The following ARL3 variants were observed in gnomAD, a reference collection of about 807,000 sequenced individuals.
ARL3 encodes ADP-ribosylation factor-like protein 3.
ARL3 carries 9 observed loss-of-function variants against 26.0 expected under a neutral mutation model. That is an observed-to-expected ratio of 0.35 (90% CI 0.21 to 0.60). The LOEUF is 0.60. Ranked by LOEUF, ARL3 falls within the 20% of genes least tolerant of loss-of-function variation. The pLI, the probability that ARL3 is intolerant of heterozygous loss-of-function variation, is 0.78. For synonymous variants in ARL3, 71 were observed against 78.4 expected, an observed-to-expected ratio of 0.91 and a Z score of 0.50; for missense variants, 158 against 215.7, an observed-to-expected ratio of 0.73 and a Z score of 1.67.
At chr10:102,689,806 C>T in intron 4 of ARL3, 87 bp downstream of exon 4, 7 of 772,126 alleles carry the variant, frequency 9.1e-6, no homozygotes, top group South Asian at 6.3e-5. Context: ...CTAGCCTGGG[C>T]AACAAGAGCA....
intron 5 of ARL3, 86 bp from the exon 6 acceptor site, chr10:102,677,027 T>C (rs999692000): frequency 1.4e-6 from 2 of 1,426,734 alleles, no homozygotes; most frequent in Admixed American, 1.7e-5. Flanking sequence ...GCAGTGGGGG[T>C]CCCAGGCCCT....
intron 3 of ARL3, among the ~76,000 whole-genome samples, chr10:102,690,977 T>C (rs961402404): frequency 4.0e-5 from 6 of 150,406 alleles, no homozygotes; most frequent in Admixed American, 2.7e-4. Flanking sequence ...CACCTCAGCC[T>C]CCTGAGTAGT....
chr10:102,701,488 C>T (rs778620091), intron 2 of ARL3, among the ~76,000 whole-genome samples: 11 of 152,278 alleles, frequency 7.2e-5, no homozygotes, highest in Non-Finnish European at 1.3e-4. Context: ...CTCTAACACG[C>T]CAATGACTGA....
intron 5 of ARL3, among the ~76,000 whole-genome samples, chr10:102,681,772 G>T (rs2064157235): frequency 6.6e-6 from 1 of 152,170 alleles, no homozygotes; most frequent in African/African-American, 2.4e-5. Flanking sequence ...TAAAACTTCG[G>T]ATCTCTGCTT....
Position 102,708,886 on chromosome 10 carries a change from T to TAATATA in ARL3, c.4-3398_4-3397insTATATT, listed in dbSNP as rs60736499. Among the ~76,000 whole-genome samples the TAATATA allele has an allele frequency of 1.8e-3, 166 of 90,418 alleles. 5 individuals carry two copies. The highest frequency in any genetic ancestry group is 5.8e-3 in the Admixed American group (45 of 7,712). 59.3% of individuals were successfully genotyped at this position (90,418 alleles called of 152,430 possible). A position where few individuals can be genotyped will look rare whatever the true frequency, so the allele number is the denominator to read the frequency against. On this transcript the variant is annotated intron_variant, in intron 1 of 5. Coordinates refer to ENST00000260746, the MANE Select transcript of ARL3 (RefSeq NM_004311.4). ...CAAAAACAAAAAATAAAACCATATA[T>TAATATA]TATATATATATATATATATATATTT... is the stretch of plus-strand genomic sequence containing the variant.
intron 5 of ARL3, among the ~76,000 whole-genome samples, chr10:102,679,302 C>A (rs2064144032): frequency 6.6e-6 from 1 of 152,228 alleles, no homozygotes. Flanking sequence ...GGTGCCCAAG[C>A]TCCCCTAGGG....
rs1179248154 is a variant in ARL3, at chr10:102,705,424, C to T, written c.69G>A (p.Leu23=). The T allele has an allele frequency of 6.2e-7, 1 of 1,612,118 alleles. No individual in the cohort carries two copies. Among genetic ancestry groups the T allele is most frequent in the Admixed American group, 1.7e-5 (1 of 59,960 alleles). Residue 23 remains leucine, a synonymous_variant, in exon 2 of 6, where the codon CTG becomes CTA. Transcript: ENST00000260746. ...APDQEVRILL[L]GLDNAGKTTL... is the part of the protein sequence containing the mutation. The stretch of plus-strand genomic sequence containing the variant: ...TGGTCTTGCCAGCATTATCCAAGCC[C>T]AGGAGAAGTATTCTCACCTCCTGGT...
intron 5 of ARL3, among the ~76,000 whole-genome samples, chr10:102,684,948 G>A (rs1229083660): frequency 6.7e-6 from 1 of 148,566 alleles, no homozygotes; most frequent in Non-Finnish European, 1.5e-5. Context: ...TGGCCTTGAT[G>A]TTTTAAAAAG....
intron 3 of ARL3, among the ~76,000 whole-genome samples, chr10:102,692,958 AC>A (rs1349527965): frequency 6.6e-6 from 1 of 151,840 alleles, no homozygotes; most frequent in Non-Finnish European, 1.5e-5. Context: ...GGCCTCCCAA[AC>A]TGCTGGGATT....
chr10:102,690,628 T>TTAA lies in ARL3; in HGVS notation c.265-688_265-686dup, dbSNP rs1321245331. Among the ~76,000 whole-genome samples the TTAA allele has an allele frequency of 2.6e-5, 4 of 152,246 alleles. No individual in the cohort carries two copies. In the South Asian group the frequency reaches 8.3e-4, roughly 32 times the overall value. On this transcript the variant is annotated intron_variant, in intron 3 of 5. Transcript: ENST00000260746. ...GTTAAGTTTAAACACAAAGCTGATA[T>TTAA]TAATAATAATACAGTAAATGATTAG...
chr10:102,696,499 T>G (rs1475165434), intron 3 of ARL3, among the ~76,000 whole-genome samples: 1 of 146,862 alleles, frequency 6.8e-6, no homozygotes. Flanking sequence ...CTCCTGACCT[T>G]GTGATCCACC....
rs1271473430 is a variant in ARL3, at chr10:102,676,179, G to A, written c.*715C>T. On this transcript the variant is annotated 3_prime_UTR_variant, in exon 6 of 6. Coordinates refer to ENST00000260746, the MANE Select transcript of ARL3 (RefSeq NM_004311.4). ...TTACAGTCAAAAGTCATAAGAATTT[G>A]CTTCTCTGTGTGGCTGGCTGGGGCA... The A allele has an allele frequency of 7.5e-6, 1 of 132,692 alleles. No homozygotes were observed. Among genetic ancestry groups the A allele is most frequent in the African/African-American group, 2.9e-5 (1 of 34,974 alleles). 8.2% of individuals were successfully genotyped at this position (132,692 alleles called of 1,614,324 possible). A position where few individuals can be genotyped will look rare whatever the true frequency, so the allele number is the denominator to read the frequency against.
Position 102,684,861 on chromosome 10 carries a change from T to C in ARL3, c.501+955A>G, listed in dbSNP as rs1352856268. On this transcript the variant is annotated intron_variant, in intron 5 of 5. Transcript: ENST00000260746. ...TTTCACCATGTTGGCCAGGCTGGTC[T>C]CGAACCCCTGACCTCAGGTGATCCA... Among the ~76,000 whole-genome samples the C allele has an allele frequency of 2.0e-5, 3 of 151,352 alleles. No individual in the cohort carries two copies. The East Asian group carries it at 6.0e-4, about 30-fold the overall frequency.
chr10:102,686,535 C>T (rs1222268683), intron 4 of ARL3, among the ~76,000 whole-genome samples: 2 of 150,072 alleles, frequency 1.3e-5, no homozygotes, highest in Middle Eastern at 3.2e-3. Flanking sequence ...GCAATCCCGG[C>T]TCACTGCAAC....
At chr10:102,686,572 C>G (rs756151932) in intron 4 of ARL3, among the ~76,000 whole-genome samples, 1 of 149,864 alleles carries the variant, frequency 6.7e-6, no homozygotes, top group Non-Finnish European at 1.5e-5. Context: ...TCAAGCAATT[C>G]TCACCCCTCA....
intron 1 of ARL3, among the ~76,000 whole-genome samples, chr10:102,707,120 C>A (rs771135258): frequency 2.7e-4 from 41 of 152,128 alleles, no homozygotes; most frequent in Non-Finnish European, 4.3e-4. Flanking sequence ...CATAGTGAGA[C>A]CCTGTCCCTA....
intron 2 of ARL3, among the ~76,000 whole-genome samples, chr10:102,700,150 C>A (rs2064271576): frequency 6.6e-6 from 1 of 152,148 alleles, no homozygotes; most frequent in Non-Finnish European, 1.5e-5. Flanking sequence ...GTAGCTCACG[C>A]CTGTAATCCC....
At chr10:102,685,616 T>A (rs1469858000) in intron 5 of ARL3, among the ~76,000 whole-genome samples, 200 bp downstream of exon 5, 1 of 152,154 alleles carries the variant, frequency 6.6e-6, no homozygotes, top group African/African-American at 2.4e-5. Context: ...TTGCTGCACA[T>A]GTGGGGTGGC....
At chr10:102,714,245 C>A in intron 1 of ARL3, 28 bp downstream of exon 1, 1 of 1,313,398 alleles carries the variant, frequency 7.6e-7, no homozygotes, top group South Asian at 3.2e-5. Context: ...CCGGCCGGCT[C>A]CAAGGGGGCC....
Sources: allele counts gnomAD v4.1 joint callset (sites outside exome capture counted in the v4.1 genomes callset), GRCh38; gene constraint gnomAD v4.1.1; transcripts MANE v1.5; gene names NCBI Gene and HGNC (gene_info 2026-07-23, HGNC 2026-07-21).